Variants in TRIM67 observed in about 807,000 individuals in gnomAD.
TRIM67 encodes tripartite motif-containing protein 67.
A neutral mutation model predicts 71.0 loss-of-function variants in TRIM67; 39 were observed. That is an observed-to-expected ratio of 0.55 (90% CI 0.43 to 0.72). The LOEUF (loss-of-function observed/expected upper bound fraction) is 0.72, where lower values mean the gene tolerates loss of function less well. Ranked by LOEUF, TRIM67 falls within the 30% of genes least tolerant of loss-of-function variation. TRIM67 has a pLI of 0.00. For missense variants in TRIM67, 973 were observed against 1,079.2 expected (o/e 0.90, Z 1.38); for synonymous variants, 481 against 473.9 (o/e 1.01, Z -0.19).
chr1:231,203,958 C>T lies in TRIM67; in HGVS notation c.1626C>T (p.Ser542=). The change falls in exon 6 of 10, where the codon AGC becomes AGT. Residue 542 remains serine, a synonymous_variant. Coordinates refer to ENST00000366653, the MANE Select transcript of TRIM67 (RefSeq NM_001004342.5). ...GGAGGATGCCACCCTTCACCCACAG[C>T]CCCGTGGACGGCTACATCCTGGAGC... ...LAWRMPPFTH[S]PVDGYILELD... The T allele has an allele frequency of 6.2e-7, 1 of 1,613,994 alleles. No homozygotes were observed. The highest frequency in any genetic ancestry group is 8.5e-7 in the Non-Finnish European group (1 of 1,179,890).
At chr1:231,173,378 C>T (rs1248522055) in intron 1 of TRIM67, among the ~76,000 whole-genome samples, 1 of 152,174 alleles carries the variant, frequency 6.6e-6, no homozygotes, top group African/African-American at 2.4e-5. Flanking sequence ...GAGACCTTGT[C>T]TGTATTTTAA....
intron 7 of TRIM67, among the ~76,000 whole-genome samples, chr1:231,208,551 A>C (rs1683775870): frequency 6.6e-6 from 1 of 152,080 alleles, no homozygotes; most frequent in Admixed American, 6.5e-5. Context: ...ACCTGAGGTG[A>C]TCCACCCACC....
intron 1 of TRIM67, chr1:231,185,195 C>T (rs1683034742): frequency 6.5e-7 from 1 of 1,533,032 alleles, no homozygotes; most frequent in Non-Finnish European, 8.7e-7. Flanking sequence ...CCTGCACCTT[C>T]CACCCTTCTC....
chr1:231,204,811 C>T (rs1359407614), intron 6 of TRIM67, among the ~76,000 whole-genome samples: 2 of 152,180 alleles, frequency 1.3e-5, no homozygotes, highest in Non-Finnish European at 2.9e-5. Flanking sequence ...CAAACCTTGC[C>T]GAAGGTCAAC....
intron 1 of TRIM67, among the ~76,000 whole-genome samples, chr1:231,187,124 A>T (rs1428886692): frequency 6.6e-6 from 1 of 152,154 alleles, no homozygotes; most frequent in East Asian, 1.9e-4. Flanking sequence ...GTGTTGTTGG[A>T]TCCCTCTTTA....
At chr1:231,190,515 C>T (rs190115083) in intron 1 of TRIM67, among the ~76,000 whole-genome samples, 1 of 152,270 alleles carries the variant, frequency 6.6e-6, no homozygotes, top group South Asian at 2.1e-4. Context: ...TACCAATGAC[C>T]CCTTCTGTTT....
rs1684033992 is a variant in TRIM67, at chr1:231,217,121, T to C, written c.*1681T>C. 5 of 985,690 alleles carry C rather than the reference T, an allele frequency of 5.1e-6. No individual in the cohort carries two copies. In the African/African-American group the frequency reaches 8.7e-5, roughly 17 times the overall value. The allele number at this position is 985,690 out of a possible 1,614,324, so 61.1% of individuals were successfully genotyped here. A position where few individuals can be genotyped will look rare whatever the true frequency, so the allele number is the denominator to read the frequency against. Reference sequence around the variant, plus strand: ...AGCCATGCAGGTACCCCCCCTCCACTCAGCAGGCCCGACAATCCTACCTCA... The same window carrying C: ...AGCCATGCAGGTACCCCCCCTCCACCCAGCAGGCCCGACAATCCTACCTCA... On this transcript the variant is annotated 3_prime_UTR_variant, in exon 10 of 10. Coordinates refer to ENST00000366653, the MANE Select transcript of TRIM67 (RefSeq NM_001004342.5).
At chr1:231,212,276 C>T (rs1683892924) in intron 8 of TRIM67, among the ~76,000 whole-genome samples, 1 of 152,172 alleles carries the variant, frequency 6.6e-6, no homozygotes, top group African/African-American at 2.4e-5. Context: ...GATATAAGGT[C>T]TATGCCGGAC....
chr1:231,185,154 G>A, intron 1 of TRIM67: 1 of 1,532,864 alleles, frequency 6.5e-7, no homozygotes, highest in Non-Finnish European at 8.7e-7. Context: ...GTGTTGTCCA[G>A]CCAGCCAGCC....
At chr1:231,210,045 C>A (rs962040928) in intron 8 of TRIM67, among the ~76,000 whole-genome samples, 1 of 152,178 alleles carries the variant, frequency 6.6e-6, no homozygotes, top group Non-Finnish European at 1.5e-5. Flanking sequence ...TTCTCCTCTC[C>A]CAGGGATTTT....
Position 231,220,025 on chromosome 1 carries a change from C to A in TRIM67, c.*4585C>A. On this transcript the variant is annotated 3_prime_UTR_variant, in exon 10 of 10. Transcript: ENST00000366653. ...TCCTTTCTGTGCCTCAGTATCCCCA[C>A]CTGAAATGAGACTAGTCATACTAAC... 1 of 1,160,092 alleles carries A rather than the reference C, an allele frequency of 8.6e-7. No individual in the cohort carries two copies. The highest frequency in any genetic ancestry group is 1.1e-6 in the Non-Finnish European group (1 of 870,394). 71.9% of individuals were successfully genotyped at this position (1,160,092 alleles called of 1,614,324 possible).
intron 1 of TRIM67, among the ~76,000 whole-genome samples, chr1:231,182,037 T>C (rs1682920067): frequency 6.6e-6 from 1 of 152,226 alleles, no homozygotes; most frequent in African/African-American, 2.4e-5. Context: ...GGCCTTGCTC[T>C]AGTAGGTTAC....
In TRIM67 at chr1:231,217,019, C is replaced by T. The variant is rs1333682835; in HGVS notation, c.*1579C>T. 3.0e-6 allele frequency: 3 copies of T among 985,786 alleles called. No homozygotes were observed. The highest frequency in any genetic ancestry group is 3.6e-6 in the Non-Finnish European group (3 of 829,960). The allele number at this position is 985,786 out of a possible 1,614,324, so 61.1% of individuals were successfully genotyped here. A position where few individuals can be genotyped will look rare whatever the true frequency, so the allele number is the denominator to read the frequency against. On this transcript the variant is annotated 3_prime_UTR_variant, in exon 10 of 10. Coordinates refer to ENST00000366653, the MANE Select transcript of TRIM67 (RefSeq NM_001004342.5). ...GATTTTTATAAAATTCGCCCATTCA[C>T]CAGCACCAACTGTGCGTCCTTGGTT...
Position 231,162,587 on chromosome 1 carries a change from C to T in TRIM67, c.-383C>T, listed in dbSNP as rs578045298. The T allele has an allele frequency of 2.7e-5, 6 of 222,214 alleles. No individual in the cohort carries two copies. Among genetic ancestry groups the T allele is most frequent in the African/African-American group, 1.2e-4 (5 of 42,948 alleles). The allele number at this position is 222,214 out of a possible 1,614,324, so 13.8% of individuals were successfully genotyped here. ...CTGAAGCAGCGAGCGCACAGCAGCC[C>T]GGCCGCTGGTCCTGGGGTGGAGAGG... On this transcript the variant is annotated 5_prime_UTR_variant, in exon 1 of 10. Transcript: ENST00000366653.
At chr1:231,198,561 T>C (rs1283262713) in intron 2 of TRIM67, among the ~76,000 whole-genome samples, 4 of 152,124 alleles carry the variant, frequency 2.6e-5, no homozygotes, top group Non-Finnish European at 5.9e-5. Flanking sequence ...TAATTTTGTA[T>C]TTTTAGTGGG....
Position 231,219,953 on chromosome 1 carries a change from C to A in TRIM67, c.*4513C>A. The A allele has an allele frequency of 7.8e-7, 1 of 1,289,850 alleles. No homozygotes were observed. The highest frequency in any genetic ancestry group is 1.0e-6 in the Non-Finnish European group (1 of 988,876). The allele number at this position is 1,289,850 out of a possible 1,614,324, so 79.9% of individuals were successfully genotyped here. A position where few individuals can be genotyped will look rare whatever the true frequency, so the allele number is the denominator to read the frequency against. ...GCCCTCGGTTACTTCCCTCTTTTAA[C>A]CTGGCTTTAATAGTGATTCATGGTA... On this transcript the variant is annotated 3_prime_UTR_variant, in exon 10 of 10. Coordinates refer to ENST00000366653, the MANE Select transcript of TRIM67 (RefSeq NM_001004342.5).
Position 231,199,091 on chromosome 1 carries a change from T to C in TRIM67, c.1185T>C (p.Asp395=). The change falls in exon 3 of 10, where the codon GAT becomes GAC. Residue 395 remains aspartate (D), a synonymous_variant. Transcript: ENST00000366653. The part of the protein sequence containing the change: ...DYEACLVAQC[D]ALVDALTRQK... ...AAGCCTGCCTCGTTGCTCAGTGTGA[T>C]GCCCTTGTGGATGCTTTAACTCGTC... 6.2e-7 allele frequency: 1 copy of C among 1,614,042 alleles called. No individual in the cohort carries two copies. Among genetic ancestry groups the C allele is most frequent in the Non-Finnish European group, 8.5e-7 (1 of 1,179,888 alleles).
chr1:231,203,838 G>T, intron 5 of TRIM67, 29 bp from the exon 6 acceptor site: 2 of 1,605,138 alleles, frequency 1.2e-6, no homozygotes, highest in Non-Finnish European at 1.7e-6. Context: ...AGGGCTTCCT[G>T]CGCTAACTCA....
intron 1 of TRIM67, among the ~76,000 whole-genome samples, chr1:231,173,543 C>T (rs1682665892): frequency 6.6e-6 from 1 of 152,148 alleles, no homozygotes; most frequent in Non-Finnish European, 1.5e-5. Flanking sequence ...AGACAAGGGC[C>T]AAGAACCAGG....
Sources: gnomAD v4.1 joint callset for allele counts (sites outside exome capture counted in the v4.1 genomes callset) on GRCh38, gnomAD v4.1.1 for gene constraint, MANE v1.5 for transcripts, NCBI Gene and HGNC (gene_info 2026-07-23, HGNC 2026-07-21) for gene names.